The following PPP3CB variants were observed in gnomAD, a reference collection of about 807,000 sequenced individuals.
PPP3CB encodes serine/threonine-protein phosphatase 2B catalytic subunit beta isoform.
Under a neutral mutation model 66.4 loss-of-function variants are expected in PPP3CB, and 8 were observed. The ratio of observed to expected loss-of-function variants is 0.12; its 90% confidence interval spans 0.07 to 0.22. The LOEUF is 0.22. Among genes scored for constraint, PPP3CB ranks in the 10% least tolerant of loss-of-function variants. The pLI is 1.00. For synonymous variants in PPP3CB, 208 were observed against 221.2 expected, an observed-to-expected ratio of 0.94 and a Z score of 0.53; for missense variants, 319 against 642.5, an observed-to-expected ratio of 0.50 and a Z score of 5.44.
chr10:73,458,900 T>C (rs1589694496), intron 9 of PPP3CB, among the ~76,000 whole-genome samples: 1 of 151,660 alleles, frequency 6.6e-6, no homozygotes, highest in East Asian at 1.9e-4. Context: ...AGAAACCCCG[T>C]CACTACTAAA....
chr10:73,494,329 C>CA (rs556138392), intron 1 of PPP3CB, among the ~76,000 whole-genome samples: 276 of 152,114 alleles, frequency 1.8e-3, no homozygotes, highest in Non-Finnish European at 3.1e-3. Context: ...CTCTGTCGTC[C>CA]AGGTTGGAGC....
At chr10:73,468,611 A>G (rs745352300) in intron 8 of PPP3CB, among the ~76,000 whole-genome samples, 8 of 152,232 alleles carry the variant, frequency 5.3e-5, no homozygotes, top group Non-Finnish European at 1.0e-4. Flanking sequence ...TTGTAGATAT[A>G]ATTTTATGGT....
In PPP3CB at chr10:73,479,300, A is replaced by C. The variant is rs536103829; in HGVS notation, c.286+17T>G. 3 of 1,608,298 alleles carry C rather than the reference A, an allele frequency of 1.9e-6. No individual in the cohort carries two copies. In the African/African-American group the frequency reaches 4.0e-5, roughly 21 times the overall value. The stretch of plus-strand genomic sequence containing the variant: ...ATGACATAATAAAAATAATACCCAA[A>C]ACATGAATAAGCTTACCTGTGATTG... On this transcript the variant is annotated intron_variant, in intron 2 of 13. Coordinates refer to ENST00000360663, the MANE Select transcript of PPP3CB (RefSeq NM_021132.4).
chr10:73,481,298 C>T (rs1042738176), intron 1 of PPP3CB, among the ~76,000 whole-genome samples: 7 of 151,150 alleles, frequency 4.6e-5, no homozygotes, highest in Middle Eastern at 3.4e-3. Context: ...ATGGTGAAAC[C>T]CCATCTCTAC....
At chr10:73,447,032 A>G (rs1396403050) in intron 10 of PPP3CB, among the ~76,000 whole-genome samples, 4 of 152,230 alleles carry the variant, frequency 2.6e-5, no homozygotes, top group Non-Finnish European at 4.4e-5. Context: ...TTTGACATGC[A>G]GGCTGACAAT....
chr10:73,467,350 C>T, intron 9 of PPP3CB: 1 of 334,342 alleles, frequency 3.0e-6, no homozygotes, highest in Non-Finnish European at 5.3e-6. Flanking sequence ...CTCCCAGTCC[C>T]CCAGACAGCC....
chr10:73,445,412 G>A (rs1589683877), intron 11 of PPP3CB, among the ~76,000 whole-genome samples: 1 of 152,108 alleles, frequency 6.6e-6, no homozygotes, highest in South Asian at 2.1e-4. Flanking sequence ...AGCTTCAAAG[G>A]GACTTGTGTT....
intron 8 of PPP3CB, among the ~76,000 whole-genome samples, chr10:73,470,412 T>G (rs1436925421): frequency 3.3e-5 from 5 of 152,176 alleles, no homozygotes; most frequent in Non-Finnish European, 7.4e-5. Context: ...AAGGGGAGTT[T>G]GAGAAAATCA....
At chr10:73,482,762 C>T (rs569229973) in intron 1 of PPP3CB, among the ~76,000 whole-genome samples, 2 of 151,806 alleles carry the variant, frequency 1.3e-5, no homozygotes, top group East Asian at 2.0e-4. Flanking sequence ...GGATTACAGG[C>T]ACCCGCCACC....
At chr10:73,483,847 A>C (rs1245073769) in intron 1 of PPP3CB, among the ~76,000 whole-genome samples, 1 of 151,774 alleles carries the variant, frequency 6.6e-6, no homozygotes, top group African/African-American at 2.4e-5. Flanking sequence ...TTTTTTCATC[A>C]AAAACTAATT....
At chr10:73,474,846 C>G in intron 4 of PPP3CB, 73 bp downstream of exon 4, 1 of 1,561,926 alleles carries the variant, frequency 6.4e-7, no homozygotes, top group Non-Finnish European at 8.6e-7. Context: ...GTAAAGTCTT[C>G]AAAACTCTTA....
At chr10:73,483,718 G>A (rs72814306) in intron 1 of PPP3CB, among the ~76,000 whole-genome samples, 2,926 of 152,182 alleles carry the variant, frequency 0.019, 48 homozygotes, top group Middle Eastern at 0.068. Flanking sequence ...AAAAAGGCAC[G>A]TATAGTGTTG....
chr10:73,448,826 T>C, intron 10 of PPP3CB: 4 of 468,932 alleles, frequency 8.5e-6, no homozygotes, highest in South Asian at 6.3e-5. Flanking sequence ...AAGGCCCTCA[T>C]ATTTGGAAAT....
chr10:73,495,898 CG>C lies in PPP3CB; in HGVS notation c.-10del. On this transcript the variant is annotated 5_prime_UTR_variant, in exon 1 of 14. Transcript: ENST00000360663. ...GGCTCCGGGGCGGCCATGCTGGGCC[CG>C]GGGCTCGGCTAGGCTCTGGGCCGGG... The C allele has an allele frequency of 5.0e-6, 2 of 399,906 alleles. No individual in the cohort carries two copies. The highest frequency in any genetic ancestry group is 3.3e-5 in the South Asian group (1 of 30,550). The allele number at this position is 399,906 out of a possible 1,614,324, so 24.8% of individuals were successfully genotyped here. A position where few individuals can be genotyped will look rare whatever the true frequency, so the allele number is the denominator to read the frequency against.
chr10:73,492,760 T>A (rs1026751262), intron 1 of PPP3CB, among the ~76,000 whole-genome samples: 1 of 152,168 alleles, frequency 6.6e-6, no homozygotes, highest in African/African-American at 2.4e-5. Flanking sequence ...TGACCCATAA[T>A]CAATGACATG....
intron 9 of PPP3CB, among the ~76,000 whole-genome samples, chr10:73,464,458 T>A (rs549310822): frequency 1.3e-5 from 2 of 152,254 alleles, no homozygotes; most frequent in Admixed American, 6.5e-5. Flanking sequence ...GAAGATCATA[T>A]AATATTAGAT....
chr10:73,460,265 C>CAAA lies in PPP3CB; in HGVS notation c.1109-5779_1109-5777dup, dbSNP rs11447229. ...TGAAAGAAAGGCAAGAAAGTAATAG[C>CAAA]AAAAAAAAAAAAAAAAAAAAAAAGT... On this transcript the variant is annotated intron_variant, in intron 9 of 13. Transcript: ENST00000360663. 3.3e-3 allele frequency among the ~76,000 whole-genome samples: 118 copies of CAAA among 35,784 alleles called. 3 individuals carry two copies. Among genetic ancestry groups the CAAA allele is most frequent in the African/African-American group, 1.0e-2 (105 of 10,532 alleles). The allele number at this position is 35,784 out of a possible 152,430, so 23.5% of individuals were successfully genotyped here. A position where few individuals can be genotyped will look rare whatever the true frequency, so the allele number is the denominator to read the frequency against.
chr10:73,438,525 T>A, intron 13 of PPP3CB, 105 bp from the exon 14 acceptor site: 1 of 949,146 alleles, frequency 1.1e-6, no homozygotes, highest in Non-Finnish European at 1.6e-6. Context: ...TAGCTGTAAG[T>A]AGCAACACAT....
In PPP3CB at chr10:73,438,111, G is replaced by C. The variant is rs2056094277; in HGVS notation, c.*131C>G. The stretch of plus-strand genomic sequence containing the variant: ...AAGCCTCCATCCAGGAAGGGGGCTA[G>C]GGTCTCAGAAGCACAATGGTTTCTT... On this transcript the variant is annotated 3_prime_UTR_variant, in exon 14 of 14. Coordinates refer to ENST00000360663, the MANE Select transcript of PPP3CB (RefSeq NM_021132.4). 4 of 899,280 alleles carry C rather than the reference G, an allele frequency of 4.4e-6. No homozygotes were observed. Among genetic ancestry groups the C allele is most frequent in the Middle Eastern group, 3.5e-4 (1 of 2,864 alleles). The allele number at this position is 899,280 out of a possible 1,614,324, so 55.7% of individuals were successfully genotyped here. A position where few individuals can be genotyped will look rare whatever the true frequency, so the allele number is the denominator to read the frequency against.
Sources: allele counts gnomAD v4.1 joint callset (sites outside exome capture counted in the v4.1 genomes callset), GRCh38; gene constraint gnomAD v4.1.1; transcripts MANE v1.5; gene names NCBI Gene and HGNC (gene_info 2026-07-23, HGNC 2026-07-21).